Variants in PPP1CC observed in about 807,000 individuals in gnomAD.
The protein encoded by PPP1CC is protein phosphatase 1 catalytic subunit gamma, also known as serine/threonine-protein phosphatase PP1-gamma catalytic subunit.
PPP1CC carries 16 observed loss-of-function variants against 38.4 expected under a neutral mutation model. The ratio of observed to expected loss-of-function variants is 0.42; its 90% CI spans 0.28 to 0.63. The LOEUF (loss-of-function observed/expected upper bound fraction) is 0.63, where lower values mean the gene tolerates loss of function less well. PPP1CC is among the 30% of genes least tolerant of loss of function. The pLI, the probability that PPP1CC is intolerant of heterozygous loss-of-function variation, is 0.25. For synonymous variants in PPP1CC, 158 were observed against 136.0 expected, an observed-to-expected ratio of 1.16 and a Z score of -1.13; for missense variants, 170 against 391.3, an observed-to-expected ratio of 0.43 and a Z score of 4.77.
intron 1 of PPP1CC, among the ~76,000 whole-genome samples, chr12:110,741,371 A>G (rs796201883): frequency 3.9e-5 from 6 of 152,338 alleles, no homozygotes; most frequent in African/African-American, 1.4e-4. Context: ...TAGTCCAACA[A>G]TATTTTAGGA....
chr12:110,742,061 A>T (rs1464830855), intron 1 of PPP1CC, among the ~76,000 whole-genome samples: 1 of 152,004 alleles, frequency 6.6e-6, no homozygotes, highest in Non-Finnish European at 1.5e-5. Flanking sequence ...ACTTAAAAGG[A>T]TTTGGAGGGC....
rs762058185 is a variant in PPP1CC at position 110,742,681 on chromosome 12, G to A, written c.27C>T (p.Ile9=). 1 of 1,469,342 alleles carries A rather than the reference G, an allele frequency of 6.8e-7. No homozygotes were observed. Among genetic ancestry groups the A allele is most frequent in the Non-Finnish European group, 9.1e-7 (1 of 1,102,352 alleles). 91.0% of individuals were successfully genotyped at this position (1,469,342 alleles called of 1,614,324 possible). A position where few individuals can be genotyped will look rare whatever the true frequency, so the allele number is the denominator to read the frequency against. MADLDKLN[I]DSIIQRLLEV... Reference sequence around the variant, plus strand: ...CCAGCAGCCGTTGGATAATGCTGTCGATGTTGAGTTTATCTAAATCCGCCA... The same window carrying A: ...CCAGCAGCCGTTGGATAATGCTGTCAATGTTGAGTTTATCTAAATCCGCCA... The change falls in exon 1 of 7, where the codon ATC becomes ATT. Residue 9 remains isoleucine, a synonymous_variant. Transcript: ENST00000335007.
intron 1 of PPP1CC, chr12:110,732,203 T>C: frequency 2.2e-6 from 1 of 454,456 alleles, no homozygotes; most frequent in East Asian, 3.4e-5. Context: ...ACGCTTGTAA[T>C]CCCAGCACTT....
At chr12:110,718,887 TGTC>T (rs1376020290), downstream of PPP1CC, among the ~76,000 whole-genome samples, 1 of 152,068 alleles carries the variant, frequency 6.6e-6, no homozygotes, top group Non-Finnish European at 1.5e-5. Context: ...AGATTAATCT[TGTC>T]TTCTACTTGA....
chr12:110,714,805 C>CAAAAAAAAAAAAAAAA (rs1164975036), downstream of PPP1CC, among the ~76,000 whole-genome samples: 1 of 22,064 alleles, frequency 4.5e-5, no homozygotes, highest in African/African-American at 1.8e-4. Flanking sequence ...GACTCTGTCT[C>CAAAAAAAAAAAAAAAA]AAAAAAAAAA....
downstream of PPP1CC, among the ~76,000 whole-genome samples, chr12:110,716,793 T>G (rs78396745): frequency 6.8e-3 from 1,032 of 152,368 alleles, 1 homozygote; most frequent in Non-Finnish European, 9.3e-3. Flanking sequence ...TTGGAATACT[T>G]GTAATACATC....
intron 1 of PPP1CC, among the ~76,000 whole-genome samples, chr12:110,738,587 A>T (rs546273146): frequency 6.6e-6 from 1 of 152,194 alleles, no homozygotes; most frequent in Non-Finnish European, 1.5e-5. Flanking sequence ...TTTCAAAGAC[A>T]TCAAATCACC....
intron 1 of PPP1CC, among the ~76,000 whole-genome samples, chr12:110,733,886 A>G (rs1353077558): frequency 6.6e-6 from 1 of 152,242 alleles, no homozygotes; most frequent in Non-Finnish European, 1.5e-5. Flanking sequence ...CATGGTCTGA[A>G]AGCTTCTTAA....
the PPP1CC span, among the ~76,000 whole-genome samples, chr12:110,708,768 G>C: frequency 6.7e-6 from 1 of 149,674 alleles, no homozygotes; most frequent in Non-Finnish European, 1.5e-5. Context: ...AAAATTGCTT[G>C]AATCTGGGGT....
chr12:110,721,849 C>T (rs545922221), intron 6 of PPP1CC: 57 of 444,774 alleles, frequency 1.3e-4, no homozygotes, highest in African/African-American at 1.1e-3. Context: ...CTGAACATTA[C>T]ATTGTCATTA....
At position 110,719,982 on chromosome 12, in the gene PPP1CC, ATTTC is replaced by A. The variant is rs1349555138; in HGVS notation, c.*1090_*1093del. The A allele has an allele frequency of 4.7e-6, 3 of 635,104 alleles. No individual in the cohort carries two copies. The highest frequency in any genetic ancestry group is 8.1e-6 in the Non-Finnish European group (3 of 372,056). 39.3% of individuals were successfully genotyped at this position (635,104 alleles called of 1,614,324 possible). On this transcript the variant is annotated 3_prime_UTR_variant, in exon 7 of 7. Transcript: ENST00000335007. The stretch of plus-strand genomic sequence containing the variant: ...TGTACACGGTCATCTGTTGAAACAG[ATTTC>A]TTTTTTAACAGATCTTAGTTTAAAA...
At chr12:110,732,915 G>A (rs928121001) in intron 1 of PPP1CC, 3 of 152,114 alleles carry the variant, frequency 2.0e-5, no homozygotes, top group Admixed American at 6.6e-5. Flanking sequence ...ACTGCTAAAT[G>A]TACCTTAATT....
chr12:110,721,242 T>A (rs1197838500), intron 6 of PPP1CC, 77 bp from the exon 7 acceptor site: 2 of 1,284,452 alleles, frequency 1.6e-6, no homozygotes, highest in East Asian at 2.3e-5. Context: ...TTCATTCAGA[T>A]CTTCTGTTCA....
At chr12:110,709,843 G>C in the PPP1CC span, among the ~76,000 whole-genome samples, 1 of 151,006 alleles carries the variant, frequency 6.6e-6, no homozygotes, top group Admixed American at 6.6e-5. Flanking sequence ...TACTGCGCCT[G>C]GTCAAATTTT....
At position 110,722,165 on chromosome 12, in the gene PPP1CC, A is replaced by G; in HGVS notation, c.852T>C (p.Ser284=). ...AAGAACACATTAGTGTTTCATCCAC[A>G]CTCATCATGGCACCTGCATTGTCAA... ...GEFDNAGAMM[S]VDETLMCSFQ... is the part of the protein sequence containing the mutation. Residue 284 remains serine, a synonymous_variant, in exon 6 of 7, where the codon AGT becomes AGC. Coordinates refer to ENST00000335007, the MANE Select transcript of PPP1CC (RefSeq NM_002710.4). The surrounding 1 kb of genome is among the most constrained non-coding windows in gnomAD (Gnocchi z 5.4). 6.2e-7 allele frequency: 1 copy of G among 1,614,144 alleles called. No individual in the cohort carries two copies. Among genetic ancestry groups the G allele is most frequent in the Non-Finnish European group, 8.5e-7 (1 of 1,180,008 alleles).
chr12:110,711,833 G>A, the PPP1CC span, among the ~76,000 whole-genome samples: 1 of 152,086 alleles, frequency 6.6e-6, no homozygotes, highest in Non-Finnish European at 1.5e-5. Context: ...GCCGAGGCAG[G>A]AGAATTGCTT....
At chr12:110,742,296 G>A (rs1368863387) in intron 1 of PPP1CC, among the ~76,000 whole-genome samples, 10 of 152,348 alleles carry the variant, frequency 6.6e-5, no homozygotes, top group Admixed American at 6.5e-4. Flanking sequence ...CCAGGAGGCT[G>A]GACTGGGATC....
At chr12:110,717,877 A>C (rs1314422640), downstream of PPP1CC, among the ~76,000 whole-genome samples, 1 of 152,132 alleles carries the variant, frequency 6.6e-6, no homozygotes, top group Non-Finnish European at 1.5e-5. Context: ...CAAACTGCCA[A>C]AATAAACCTA....
chr12:110,728,457 C>G (rs960978754), intron 3 of PPP1CC, among the ~76,000 whole-genome samples: 1 of 151,006 alleles, frequency 6.6e-6, no homozygotes, highest in Non-Finnish European at 1.5e-5. Flanking sequence ...AATAAGTATC[C>G]AAAACACAGT....
Sources: allele counts gnomAD v4.1 joint callset (sites outside exome capture counted in the v4.1 genomes callset), GRCh38; gene constraint gnomAD v4.1.1; non-coding constraint Gnocchi (gnomAD v3.1); transcripts MANE v1.5; gene names NCBI Gene and HGNC (gene_info 2026-07-23, HGNC 2026-07-21).